Variants in SEC14L5 observed in about 807,000 individuals in gnomAD.
SEC14L5 encodes the protein SEC14-like protein 5.
A neutral mutation model predicts 84.6 loss-of-function variants in SEC14L5; 96 were observed. That is an observed-to-expected ratio of 1.13 (90% CI 0.96 to 1.34). The LOEUF (loss-of-function observed/expected upper bound fraction) is 1.34. Ranked by LOEUF, SEC14L5 falls within the 40% of genes most tolerant of loss-of-function variation. SEC14L5 has a pLI of 0.00. For synonymous variants in SEC14L5, 546 were observed against 383.4 expected (o/e 1.42, Z -4.95); for missense variants, 1,224 against 942.5 (o/e 1.30, Z -3.91).
intron 2 of SEC14L5, among the ~76,000 whole-genome samples, chr16:4,962,540 T>C (rs550957198): frequency 1.8e-4 from 27 of 152,208 alleles, no homozygotes; most frequent in African/African-American, 6.3e-4. Context: ...ATACAAGAAT[T>C]AGCTGGGTAT....
intron 11 of SEC14L5, among the ~76,000 whole-genome samples, chr16:5,004,719 G>T (rs529379244): frequency 2.6e-5 from 4 of 152,292 alleles, no homozygotes; most frequent in Admixed American, 2.6e-4. Flanking sequence ...TTGGCTTGTG[G>T]CATTCCCTGT....
Position 4,987,863 on chromosome 16 carries a change from C to CGGGACCCTGGTCAG in SEC14L5, c.213+163_213+164insCTGGTCAGGGGACC, listed in dbSNP as rs558855248. 1.9e-3 allele frequency among the ~76,000 whole-genome samples: 283 copies of CGGGACCCTGGTCAG among 151,746 alleles called. 2 individuals are homozygous for CGGGACCCTGGTCAG. Among genetic ancestry groups the CGGGACCCTGGTCAG allele is most frequent in the African/African-American group, 6.2e-3 (257 of 41,332 alleles). On this transcript the variant is annotated intron_variant, in intron 3 of 15. Coordinates refer to ENST00000251170, the MANE Select transcript of SEC14L5 (RefSeq NM_014692.2). ...GATGGAGGTTCCAGGATGAGGGTGG[C>CGGGACCCTGGTCAG]GGGACCAGGGCCCAGGAGGGGCGAG...
At chr16:4,959,945 G>A (rs910927140) in intron 2 of SEC14L5, among the ~76,000 whole-genome samples, 1 of 152,154 alleles carries the variant, frequency 6.6e-6, no homozygotes, top group Admixed American at 6.5e-5. Context: ...TGACCACAGA[G>A]CCCTCCTTCT....
At chr16:5,005,873 A>AAAAC (rs1955725362) in intron 11 of SEC14L5, 41 bp from the exon 12 acceptor site, 3 of 1,493,608 alleles carry the variant, frequency 2.0e-6, no homozygotes, top group Non-Finnish European at 2.7e-6. Context: ...CAAAAAAAAA[A>AAAAC]AAAAAAAAAC....
intron 2 of SEC14L5, among the ~76,000 whole-genome samples, chr16:4,978,633 C>T (rs923940056): frequency 4.1e-5 from 6 of 147,622 alleles, no homozygotes; most frequent in Admixed American, 6.8e-5. Context: ...GATGGAGTCT[C>T]GCTCTGTCAC....
chr16:5,003,442 C>A lies in SEC14L5; in HGVS notation c.1171C>A (p.Arg391=). The A allele has an allele frequency of 2.5e-6, 4 of 1,613,198 alleles. No individual in the cohort carries two copies. Among genetic ancestry groups the A allele is most frequent in the East Asian group, 2.2e-5 (1 of 44,876 alleles). Residue 391 remains arginine, a synonymous_variant, in exon 11 of 16, where the codon CGG becomes AGG. Transcript: ENST00000251170. The part of the protein sequence containing the change: ...CLLDLEGLNM[R]HLWRPGVKAL... ...GCTAGACCTGGAGGGACTCAACATG[C>A]GGCACCTGTGGCGGCCGGGGGTGAA...
At chr16:4,992,124 C>G (rs1034832245) in intron 6 of SEC14L5, 94 bp downstream of exon 6, 10 of 861,884 alleles carry the variant, frequency 1.2e-5, no homozygotes, top group Non-Finnish European at 1.7e-5. Context: ...GGAGAATTGC[C>G]TGCCGTCCCC....
At chr16:4,977,473 A>AAAAAAAGG (rs147764753) in intron 2 of SEC14L5, among the ~76,000 whole-genome samples, 1 of 128,648 alleles carries the variant, frequency 7.8e-6, no homozygotes, top group African/African-American at 2.9e-5. Context: ...AAAAAAAGGA[A>AAAAAAAGG]AAAAAAAGAA....
chr16:5,011,090 T>G lies in SEC14L5; in HGVS notation c.1801-5T>G. 1 of 1,593,642 alleles carries G rather than the reference T, an allele frequency of 6.3e-7. No homozygotes were observed. The highest frequency in any genetic ancestry group is 8.5e-7 in the Non-Finnish European group (1 of 1,170,460). ...GGGCCTCAGGGCAGGGCTGATGTGT[T>G]TCAGGGCTCCCATGTGACCCGGTGG... is the stretch of plus-strand genomic sequence containing the variant. On this transcript the variant is annotated splice_region_variant and splice_polypyrimidine_tract_variant and intron_variant, in intron 14 of 15. Coordinates refer to ENST00000251170, the MANE Select transcript of SEC14L5 (RefSeq NM_014692.2).
intron 8 of SEC14L5, among the ~76,000 whole-genome samples, chr16:4,997,914 A>T (rs1467032409): frequency 6.6e-6 from 1 of 150,678 alleles, no homozygotes; most frequent in Non-Finnish European, 1.5e-5. Context: ...ACCCCAGGAG[A>T]TTGGATTTAG....
intron 2 of SEC14L5, among the ~76,000 whole-genome samples, chr16:4,972,776 T>C (rs1955296550): frequency 6.6e-6 from 1 of 152,246 alleles, no homozygotes; most frequent in African/African-American, 2.4e-5. Context: ...TTGATCATTG[T>C]GTAAATGATG....
At chr16:4,983,711 T>C (rs1405145652) in intron 2 of SEC14L5, among the ~76,000 whole-genome samples, 2 of 151,820 alleles carry the variant, frequency 1.3e-5, no homozygotes, top group African/African-American at 4.8e-5. Flanking sequence ...ACCCCGTCTC[T>C]ACTAGAAATA....
intron 2 of SEC14L5, among the ~76,000 whole-genome samples, chr16:4,970,876 G>A (rs980320843): frequency 3.3e-5 from 5 of 152,186 alleles, no homozygotes; most frequent in Non-Finnish European, 1.5e-5. Context: ...TTGGGAGGCC[G>A]AGGCGGGTGG....
Position 5,011,238 on chromosome 16 carries a change from C to A in SEC14L5, c.1944C>A (p.Leu648=). ...LHSPGPKCKL[L]YYCEVLASED... is the part of the protein sequence containing the mutation. Reference sequence around the variant, plus strand: ...GCCCCGGGCCCAAGTGCAAACTTCTCTACTACTGTGAGGTGCTCGCCTCTG... The same window carrying A: ...GCCCCGGGCCCAAGTGCAAACTTCTATACTACTGTGAGGTGCTCGCCTCTG... Residue 648 remains leucine, a synonymous_variant, in exon 15 of 16, where the codon CTC becomes CTA. Transcript: ENST00000251170. 6.2e-7 allele frequency: 1 copy of A among 1,613,902 alleles called. No individual in the cohort carries two copies. Among genetic ancestry groups the A allele is most frequent in the South Asian group, 1.1e-5 (1 of 91,080 alleles).
At chr16:4,998,998 C>G (rs1955646546) in intron 8 of SEC14L5, among the ~76,000 whole-genome samples, 1 of 152,184 alleles carries the variant, frequency 6.6e-6, no homozygotes, top group East Asian at 1.9e-4. Context: ...CGCATGCTGT[C>G]TGCTGAAGTT....
rs555691958 is a variant in SEC14L5 at position 5,015,662 on chromosome 16, G to A, written c.*692G>A. 1 of 152,630 alleles carries A rather than the reference G, an allele frequency of 6.6e-6. No homozygotes were observed. The highest frequency in any genetic ancestry group is 1.9e-4 in the East Asian group (1 of 5,184). 9.5% of individuals were successfully genotyped at this position (152,630 alleles called of 1,614,324 possible). A position where few individuals can be genotyped will look rare whatever the true frequency, so the allele number is the denominator to read the frequency against. On this transcript the variant is annotated 3_prime_UTR_variant, in exon 16 of 16. Transcript: ENST00000251170. ...CGAGGAGTACTGGGGTCCCCCCTAAGAAGAAGGAGGAAGGATGCTGGGGAG... is the reference window on the plus strand; with the variant it reads ...CGAGGAGTACTGGGGTCCCCCCTAAAAAGAAGGAGGAAGGATGCTGGGGAG...
At position 5,003,562 on chromosome 16, in the gene SEC14L5, C is replaced by T; in HGVS notation, c.1291C>T (p.Leu431Phe). Reference sequence around the variant, plus strand: ...GCGAGCCCCCCGAGTCTTCCCCGTGCTCTGGACACTGGTAAGAGCTGGAGC... The same window carrying T: ...GCGAGCCCCCCGAGTCTTCCCCGTGTTCTGGACACTGGTAAGAGCTGGAGC... ...IVRAPRVFPVLWTLISPFINE... is the reference protein window; with the variant it reads ...IVRAPRVFPVFWTLISPFINE... The change falls in exon 11 of 16, where the codon CTC becomes TTC. Residue 431 changes from leucine (L) to phenylalanine (F), a missense_variant. Coordinates refer to ENST00000251170, the MANE Select transcript of SEC14L5 (RefSeq NM_014692.2). 1 of 1,350,216 alleles carries T rather than the reference C, an allele frequency of 7.4e-7. No homozygotes were observed. The highest frequency in any genetic ancestry group is 1.1e-5 in the South Asian group (1 of 87,062). 83.6% of individuals were successfully genotyped at this position (1,350,216 alleles called of 1,614,324 possible).
At chr16:4,985,991 G>C (rs912083182) in intron 2 of SEC14L5, among the ~76,000 whole-genome samples, 1 of 151,932 alleles carries the variant, frequency 6.6e-6, no homozygotes, top group East Asian at 1.9e-4. Flanking sequence ...GGAATTGCTG[G>C]ATCATAAGGT....
At chr16:5,009,247 T>G (rs536696611) in intron 14 of SEC14L5, among the ~76,000 whole-genome samples, 1 of 152,218 alleles carries the variant, frequency 6.6e-6, no homozygotes, top group East Asian at 1.9e-4. Flanking sequence ...CTTCTGAGTC[T>G]CAAATCTCCC....
Sources: gnomAD v4.1 joint callset for allele counts (sites outside exome capture counted in the v4.1 genomes callset) on GRCh38, gnomAD v4.1.1 for gene constraint, MANE v1.5 for transcripts, NCBI Gene and HGNC (gene_info 2026-07-23, HGNC 2026-07-21) for gene names.